Variants in TKT observed in about 807,000 individuals in gnomAD.
TKT encodes epididymis luminal protein 107.
A neutral mutation model predicts 63.9 loss-of-function variants in TKT; 47 were observed. That is an observed-to-expected ratio of 0.74 (90% CI 0.58 to 0.94). The LOEUF (loss-of-function observed/expected upper bound fraction) is 0.94, where lower values mean the gene tolerates loss of function less well. Ranked by LOEUF, TKT falls within the 40% of genes least tolerant of loss-of-function variation. The pLI is 0.00. For synonymous variants in TKT, 338 were observed against 334.1 expected, an observed-to-expected ratio of 1.01 and a Z score of -0.13; for missense variants, 721 against 846.2, an observed-to-expected ratio of 0.85 and a Z score of 1.84.
rs2106651120 is a variant in TKT at position 53,225,802 on chromosome 3, C to T, written c.1826G>A (p.Arg609Lys). The T allele has an allele frequency of 6.2e-7, 1 of 1,614,170 alleles. No homozygotes were observed. The highest frequency in any genetic ancestry group is 1.3e-5 in the African/African-American group (1 of 75,056). The change falls in exon 14 of 14, where the codon AGG becomes AAG. Residue 609 changes from arginine (R) to lysine (K), a missense_variant. Physicochemically the swap from Arg to Lys is conservative, Grantham distance 26 (BLOSUM62 2). Coordinates refer to ENST00000462138, the MANE Select transcript of TKT (RefSeq NM_001064.4). ...CCTCACAGCTTGTGCAATGGCATCCCTGTCGATACCAAACATCTTCAGCAG... is the reference window on the plus strand; with the variant it reads ...CCTCACAGCTTGTGCAATGGCATCCTTGTCGATACCAAACATCTTCAGCAG... Reference protein sequence around the residue: ...AELLKMFGIDRDAIAQAVRGL... With the variant: ...AELLKMFGIDKDAIAQAVRGL...
At position 53,227,801 on chromosome 3, in the gene TKT, C is replaced by A. The variant is rs1183665704; in HGVS notation, c.1573+255G>T. The A allele has an allele frequency of 2.7e-5, 11 of 411,908 alleles. No homozygotes were observed. In the Admixed American group the frequency reaches 4.6e-4, roughly 17 times the overall value. 25.5% of individuals were successfully genotyped at this position (411,908 alleles called of 1,614,324 possible). A position where few individuals can be genotyped will look rare whatever the true frequency, so the allele number is the denominator to read the frequency against. On this transcript the variant is annotated intron_variant, in intron 12 of 13. Coordinates refer to ENST00000462138, the MANE Select transcript of TKT (RefSeq NM_001064.4). ...GGCTCCAGGCCACTGATCTGGCCACCATGCTGGGGGGGTCTCGACTTTAGA... is the reference window on the plus strand; with the variant it reads ...GGCTCCAGGCCACTGATCTGGCCACAATGCTGGGGGGGTCTCGACTTTAGA...
In TKT at chr3:53,255,832, T is replaced by G. The variant is rs1553682202; in HGVS notation, c.107+4A>C. 6.6e-7 allele frequency: 1 copy of G among 1,504,136 alleles called. No individual in the cohort carries two copies. Among genetic ancestry groups the G allele is most frequent in the African/African-American group, 1.4e-5 (1 of 69,152 alleles). The allele number at this position is 1,504,136 out of a possible 1,614,324, so 93.2% of individuals were successfully genotyped here. On this transcript the variant is annotated splice_donor_region_variant and intron_variant, in intron 1 of 13. Coordinates refer to ENST00000462138, the MANE Select transcript of TKT (RefSeq NM_001064.4). ...CGCGTCCCCGGCCGGCGCCGCGCAC[T>G]CACCCAGAGCCCGCCGCAGTGGTGG...
intron 1 of TKT, among the ~76,000 whole-genome samples, chr3:53,255,213 A>T (rs1705933520): frequency 6.6e-6 from 1 of 152,076 alleles, no homozygotes; most frequent in African/African-American, 2.4e-5. Flanking sequence ...GACCCAACCC[A>T]GGGGTGGCAG....
chr3:53,246,921 G>C (rs1384708252), intron 1 of TKT, among the ~76,000 whole-genome samples: 1 of 151,954 alleles, frequency 6.6e-6, no homozygotes, highest in African/African-American at 2.4e-5. Context: ...CTTTCTCAGG[G>C]GAAGGGAAGA....
In TKT at chr3:53,233,230, C is replaced by A. The variant is rs782507596; in HGVS notation, c.674G>T (p.Cys225Phe). 11 of 1,613,646 alleles carry A rather than the reference C, an allele frequency of 6.8e-6. No homozygotes were observed. Among genetic ancestry groups the A allele is most frequent in the Non-Finnish European group, 8.5e-6 (10 of 1,179,886 alleles). The part of the protein sequence containing the change: ...IVDGHSVEEL[C>F]KAFGQAKHQP... ...GTGCTTGGCCTGGCCAAAGGCCTTG[C>A]ACAGCTCCTCCACGCTGTGTCCATC... Residue 225 changes from cysteine to phenylalanine, a missense_variant, in exon 6 of 14, where the codon TGC becomes TTC. Physicochemically the swap from Cys to Phe is radical, Grantham distance 205. Transcript: ENST00000462138.
rs1704754890 is a variant in TKT at position 53,231,461 on chromosome 3, T to C, written c.838A>G (p.Ser280Gly). ...IIQEIYSQIQ[S>G]KKKILATPPQ... ...GGGGTTGCCAGGATCTTCTTTTTGC[T>C]CTGGATCTGGCTGTAGATCTCCTGG... The change falls in exon 7 of 14, where the codon AGC becomes GGC. Residue 280 changes from serine to glycine, a missense_variant. By Grantham distance (56) the Ser-to-Gly change is moderately conservative. Transcript: ENST00000462138. The C allele has an allele frequency of 1.2e-6, 2 of 1,614,060 alleles. No homozygotes were observed. Among genetic ancestry groups the C allele is most frequent in the Non-Finnish European group, 1.7e-6 (2 of 1,180,032 alleles).
Position 53,225,796 on chromosome 3 carries a change from G to A in TKT, c.1832C>T (p.Ala611Val). 8 of 1,613,906 alleles carry A rather than the reference G, an allele frequency of 5.0e-6. No individual in the cohort carries two copies. The highest frequency in any genetic ancestry group is 6.8e-6 in the Non-Finnish European group (8 of 1,179,900). ...GAGGCCCCTCACAGCTTGTGCAATG[G>A]CATCCCTGTCGATACCAAACATCTT... Reference protein sequence around the residue: ...LLKMFGIDRDAIAQAVRGLIT... With the variant: ...LLKMFGIDRDVIAQAVRGLIT... The change falls in exon 14 of 14, where the codon GCC (alanine) becomes GTC (valine). Residue 611 changes from alanine to valine, a missense_variant. Ala to Val is a moderately conservative substitution (Grantham distance 64). Transcript: ENST00000462138.
chr3:53,249,554 C>A (rs1553681381), intron 1 of TKT, among the ~76,000 whole-genome samples: 2 of 152,064 alleles, frequency 1.3e-5, no homozygotes, highest in African/African-American at 4.8e-5. Context: ...CACTGCACTC[C>A]AGCCTGGGTG....
At chr3:53,237,506 AC>A (rs1553678920) in intron 4 of TKT, among the ~76,000 whole-genome samples, 4 of 133,962 alleles carry the variant, frequency 3.0e-5, no homozygotes, top group African/African-American at 1.1e-4. Context: ...ACACACACAC[AC>A]ACACACACAC....
At chr3:53,253,016 T>G (rs1025088358) in intron 1 of TKT, among the ~76,000 whole-genome samples, 1 of 152,090 alleles carries the variant, frequency 6.6e-6, no homozygotes, top group Non-Finnish European at 1.5e-5. Flanking sequence ...ATTTTTTGTA[T>G]TTTTAGTAGG....
In TKT at chr3:53,226,510, T is replaced by C. The variant is rs548773554; in HGVS notation, c.1696+246A>G. The C allele has an allele frequency of 4.0e-4, 207 of 518,562 alleles. 1 individual carries two copies. The highest frequency in any genetic ancestry group is 6.4e-4 in the Non-Finnish European group (187 of 291,062). The allele number at this position is 518,562 out of a possible 1,614,324, so 32.1% of individuals were successfully genotyped here. A position where few individuals can be genotyped will look rare whatever the true frequency, so the allele number is the denominator to read the frequency against. On this transcript the variant is annotated intron_variant, in intron 13 of 13. Coordinates refer to ENST00000462138, the MANE Select transcript of TKT (RefSeq NM_001064.4). ...CACCATCCACCATTTAGCAGCGAGG[T>C]TGGAATCCTCACCAGCTTCCTGGGC...
intron 8 of TKT, among the ~76,000 whole-genome samples, chr3:53,229,885 C>T (rs1435336333): frequency 6.6e-6 from 1 of 152,194 alleles, no homozygotes; most frequent in African/African-American, 2.4e-5. Context: ...AGGAAGCTCC[C>T]TGTCCCTAGG....
Position 53,235,184 on chromosome 3 carries a change from G to A in TKT, c.438-10C>T. 1.2e-6 allele frequency: 2 copies of A among 1,604,150 alleles called. No homozygotes were observed. The highest frequency in any genetic ancestry group is 1.7e-6 in the Non-Finnish European group (2 of 1,174,294). On this transcript the variant is annotated splice_polypyrimidine_tract_variant and intron_variant, in intron 4 of 13. Coordinates refer to ENST00000462138, the MANE Select transcript of TKT (RefSeq NM_001064.4). ...GCAATAGACTCGGTAGCTGTGGACA[G>A]AGAGTGAATCAGGCCAGTCCCTCTC...
At chr3:53,245,379 C>A (rs1161619413) in intron 1 of TKT, among the ~76,000 whole-genome samples, 2 of 151,926 alleles carry the variant, frequency 1.3e-5, no homozygotes, top group Non-Finnish European at 2.9e-5. Flanking sequence ...TGTCCCCTGG[C>A]CAGGAGAATC....
At chr3:53,237,495 T>C (rs967967808) in intron 4 of TKT, among the ~76,000 whole-genome samples, 67 of 144,898 alleles carry the variant, frequency 4.6e-4, no homozygotes, top group South Asian at 1.6e-3. Flanking sequence ...TTTTATATTA[T>C]ACACACACAC....
intron 2 of TKT, 116 bp downstream of exon 2, chr3:53,242,009 G>T (rs781953646): frequency 1.5e-4 from 139 of 917,902 alleles, no homozygotes; most frequent in Non-Finnish European, 2.4e-4. Flanking sequence ...CAGGGAGAAG[G>T]CACCTGGGAG....
At chr3:53,240,212 A>C in intron 4 of TKT, 39 bp downstream of exon 4, 1 of 1,594,446 alleles carries the variant, frequency 6.3e-7, no homozygotes, top group African/African-American at 1.3e-5. Context: ...ACCACTCCCC[A>C]AAACTACCCA....
intron 1 of TKT, among the ~76,000 whole-genome samples, chr3:53,249,975 G>C (rs1315138999): frequency 6.6e-6 from 1 of 152,234 alleles, no homozygotes; most frequent in Non-Finnish European, 1.5e-5. Context: ...AGCCACAACA[G>C]GGGCCGGACA....
At chr3:53,232,174 TCCCAGGTAGCA>T in intron 6 of TKT, 1 of 395,414 alleles carries the variant, frequency 2.5e-6, no homozygotes, top group Non-Finnish European at 4.4e-6. Flanking sequence ...CAGACTGAAC[TCCCAGGTAGCA>T]CCCAGCAGCC....
Sources: gnomAD v4.1 joint callset for allele counts (sites outside exome capture counted in the v4.1 genomes callset) on GRCh38, gnomAD v4.1.1 for gene constraint, MANE v1.5 for transcripts, NCBI Gene and HGNC (gene_info 2026-07-23, HGNC 2026-07-21) for gene names.